Variants in VAT1L observed in about 807,000 individuals in gnomAD.
The protein encoded by VAT1L is putative NADPH-dependent quinone oxidoreductase VAT1L.
VAT1L carries 34 observed loss-of-function variants against 44.1 expected under a neutral mutation model. The observed-to-expected ratio is 0.77, with a 90% CI of 0.59 to 1.03. VAT1L has a LOEUF of 1.03. Ranked by LOEUF, VAT1L falls within the 50% of genes least tolerant of loss-of-function variation. The pLI is 0.00. For synonymous variants in VAT1L, 253 were observed against 202.2 expected (o/e 1.25, Z -2.13); for missense variants, 615 against 538.8 (o/e 1.14, Z -1.40).
chr16:77,847,362 C>T (rs1200361516), intron 3 of VAT1L, among the ~76,000 whole-genome samples: 2 of 152,148 alleles, frequency 1.3e-5, no homozygotes, highest in African/African-American at 2.4e-5. Flanking sequence ...AATCACCTCT[C>T]CCCCGGTCTT....
chr16:77,850,835 C>A (rs2016801893), intron 3 of VAT1L, among the ~76,000 whole-genome samples: 1 of 151,646 alleles, frequency 6.6e-6, no homozygotes, highest in Non-Finnish European at 1.5e-5. Flanking sequence ...CTCTAATACT[C>A]CTGCACTCCT....
intron 2 of VAT1L, among the ~76,000 whole-genome samples, chr16:77,819,569 G>C (rs2016414105): frequency 6.6e-6 from 1 of 152,124 alleles, no homozygotes. Context: ...TTTTAGTAAA[G>C]ACAGGGTTTC....
At chr16:77,920,977 C>T (rs8057349) in intron 7 of VAT1L, among the ~76,000 whole-genome samples, 71,471 of 150,452 alleles carry the variant, frequency 0.48, 17,650 homozygotes, top group South Asian at 0.63. Context: ...TACACACACA[C>T]ACATACATAC....
At position 77,817,656 on chromosome 16, in the gene VAT1L, T is replaced by C. The variant is rs532052573; in HGVS notation, c.363+606T>C. 3.0e-4 allele frequency among the ~76,000 whole-genome samples: 46 copies of C among 152,338 alleles called. 1 individual carries two copies. In the Middle Eastern group the frequency reaches 0.01, roughly 34 times the overall value. ...GAAATGGGCAAAAAGGTTTATTACATTATGCTGACTACTTCTGTACATGTT... is the reference window on the plus strand; with the variant it reads ...GAAATGGGCAAAAAGGTTTATTACACTATGCTGACTACTTCTGTACATGTT... On this transcript the variant is annotated intron_variant, in intron 2 of 8. Transcript: ENST00000302536.
chr16:77,959,777 G>A (rs990706413), intron 7 of VAT1L, among the ~76,000 whole-genome samples: 3 of 152,184 alleles, frequency 2.0e-5, no homozygotes, highest in African/African-American at 4.8e-5. Flanking sequence ...AAGTGTGAAG[G>A]AACTAACCAC....
intron 3 of VAT1L, among the ~76,000 whole-genome samples, chr16:77,861,044 G>A (rs989724866): frequency 6.6e-6 from 1 of 152,190 alleles, no homozygotes; most frequent in Non-Finnish European, 1.5e-5. Context: ...CTATAGAGCA[G>A]TCAGGGGAGG....
At chr16:77,910,213 G>C (rs1238026564) in intron 7 of VAT1L, among the ~76,000 whole-genome samples, 1 of 152,198 alleles carries the variant, frequency 6.6e-6, no homozygotes, top group Non-Finnish European at 1.5e-5. Context: ...TGTCTGCTTT[G>C]AGGAAAGAGA....
rs575021155 is a variant in VAT1L at position 77,940,437 on chromosome 16, G to C, written c.1078-31413G>C. ...TGGCTCACTGCAACCTCTGCCTCCC[G>C]GGTTCAAGCGATTCTCCTGCCTCAG... is the stretch of plus-strand genomic sequence containing the variant. On this transcript the variant is annotated intron_variant, in intron 7 of 8. Transcript: ENST00000302536. Among the ~76,000 whole-genome samples the C allele has an allele frequency of 9.2e-4, 130 of 141,956 alleles. 1 individual carries two copies. The highest frequency in any genetic ancestry group is 3.0e-3 in the African/African-American group (115 of 38,358). The allele number at this position is 141,956 out of a possible 152,430, so 93.1% of individuals were successfully genotyped here.
intron 8 of VAT1L, among the ~76,000 whole-genome samples, chr16:77,976,338 G>A (rs2142549530): frequency 6.6e-6 from 1 of 152,266 alleles, no homozygotes; most frequent in Non-Finnish European, 1.5e-5. Context: ...TTCTGCAAAG[G>A]CTTCCTTGAG....
chr16:77,918,891 A>C (rs1402136595), intron 7 of VAT1L, among the ~76,000 whole-genome samples: 1 of 152,310 alleles, frequency 6.6e-6, no homozygotes, highest in South Asian at 2.1e-4. Context: ...CAGTAGAATA[A>C]GTTCTCTCTC....
chr16:77,923,185 T>C (rs1296392459), intron 7 of VAT1L, among the ~76,000 whole-genome samples: 1 of 152,190 alleles, frequency 6.6e-6, no homozygotes, highest in Non-Finnish European at 1.5e-5. Flanking sequence ...GCGCAGTGGC[T>C]CACGCCTGTA....
chr16:77,915,636 T>C (rs927115389), intron 7 of VAT1L, among the ~76,000 whole-genome samples: 5 of 152,178 alleles, frequency 3.3e-5, no homozygotes, highest in African/African-American at 9.7e-5. Context: ...AGGAAAGGCC[T>C]AGAGGCAGGA....
rs377063941 is a variant in VAT1L, at chr16:77,879,151, G to A, written c.827-18G>A. 1 of 1,613,688 alleles carries A rather than the reference G, an allele frequency of 6.2e-7. No homozygotes were observed. Among genetic ancestry groups the A allele is most frequent in the African/African-American group, 1.3e-5 (1 of 75,030 alleles). Reference sequence around the variant, plus strand: ...TTTTCATTAGCAATTGCTTAATGTGGGAATCTTTCATTTTCAGGCTCATCC... The same window carrying A: ...TTTTCATTAGCAATTGCTTAATGTGAGAATCTTTCATTTTCAGGCTCATCC... On this transcript the variant is annotated intron_variant, in intron 5 of 8. Transcript: ENST00000302536. This position sits in a 1 kb window ranked among gnomAD's most constrained non-coding sequence, Gnocchi z 4.1.
At chr16:77,832,881 G>T (rs1432182701) in intron 3 of VAT1L, among the ~76,000 whole-genome samples, 1 of 152,254 alleles carries the variant, frequency 6.6e-6, no homozygotes, top group African/African-American at 2.4e-5. Context: ...AGCAAGTGAC[G>T]ATCTTCAGTG....
intron 7 of VAT1L, among the ~76,000 whole-genome samples, chr16:77,926,372 C>T (rs1037922807): frequency 6.6e-6 from 1 of 151,852 alleles, no homozygotes; most frequent in African/African-American, 2.4e-5. Context: ...CGCCTAAGGA[C>T]AGGTGTTTCG....
intron 7 of VAT1L, among the ~76,000 whole-genome samples, chr16:77,917,154 G>A (rs561031413): frequency 6.6e-6 from 1 of 152,230 alleles, no homozygotes; most frequent in South Asian, 2.1e-4. Flanking sequence ...TTCATTAATT[G>A]AAGACCAATC....
At chr16:77,801,952 G>A (rs184046020) in intron 1 of VAT1L, among the ~76,000 whole-genome samples, 10 of 152,186 alleles carry the variant, frequency 6.6e-5, no homozygotes, top group African/African-American at 2.4e-4. Context: ...CGGAATCGAC[G>A]ATGCATGACG....
rs758185800 is a variant in VAT1L at position 77,879,773 on chromosome 16, C to T, written c.882+549C>T. Among the ~76,000 whole-genome samples the T allele has an allele frequency of 1.1e-4, 17 of 152,196 alleles. No individual in the cohort carries two copies. Among genetic ancestry groups the T allele is most frequent in the African/African-American group, 4.1e-4 (17 of 41,450 alleles). ...ACTCAAGAAAGCTACAGCTTTATTT[C>T]AGTCAAAATTGCTTAAGTGTTGGTG... On this transcript the variant is annotated intron_variant, in intron 6 of 8. Coordinates refer to ENST00000302536, the MANE Select transcript of VAT1L (RefSeq NM_020927.3). The surrounding 1 kb of genome is among the most constrained non-coding windows in gnomAD (Gnocchi z 4.1).
intron 1 of VAT1L, among the ~76,000 whole-genome samples, chr16:77,813,207 A>C (rs2016294961): frequency 6.6e-6 from 1 of 151,952 alleles, no homozygotes. Flanking sequence ...AAAGGATTAG[A>C]CTCAAGTTTT....
Sources: gnomAD v4.1 joint callset for allele counts (sites outside exome capture counted in the v4.1 genomes callset) on GRCh38, gnomAD v4.1.1 for gene constraint, Gnocchi (gnomAD v3.1) non-coding constraint, MANE v1.5 for transcripts, NCBI Gene and HGNC (gene_info 2026-07-23, HGNC 2026-07-21) for gene names.